LRFN2: variants seen among roughly 807,000 people sequenced by gnomAD.
The protein encoded by LRFN2 is leucine rich repeat and fibronectin type III domain containing 2.
LRFN2 carries 18 observed loss-of-function variants against 37.3 expected under a neutral mutation model. The ratio of observed to expected loss-of-function variants is 0.48; its 90% CI spans 0.33 to 0.72. LRFN2 has a LOEUF of 0.72. Ranked by LOEUF, LRFN2 falls within the 30% of genes least tolerant of loss-of-function variation. The pLI is 0.02. For missense variants in LRFN2, 1,006 were observed against 1,060.7 expected (o/e 0.95, Z 0.72); for synonymous variants, 556 against 466.6 (o/e 1.19, Z -2.47).
chr6:40,477,490 C>G (rs1488392374), intron 1 of LRFN2, among the ~76,000 whole-genome samples: 1 of 152,146 alleles, frequency 6.6e-6, no homozygotes, highest in African/African-American at 2.4e-5. Flanking sequence ...CAGTGGATGG[C>G]CACAGTGAGT....
At chr6:40,393,025 G>C in intron 2 of LRFN2, 113 bp from the exon 3 acceptor site, 1 of 755,728 alleles carries the variant, frequency 1.3e-6, no homozygotes, top group Non-Finnish European at 2.1e-6. Context: ...GGGAGGGGAG[G>C]GAGGCCAAGA....
intron 1 of LRFN2, among the ~76,000 whole-genome samples, chr6:40,506,628 C>T (rs1183082419): frequency 5.9e-5 from 9 of 151,992 alleles, no homozygotes; most frequent in African/African-American, 1.9e-4. Context: ...TCCTATATGC[C>T]CTGCAAATCA....
At chr6:40,524,312 C>T (rs888158122) in intron 1 of LRFN2, among the ~76,000 whole-genome samples, 3 of 152,138 alleles carry the variant, frequency 2.0e-5, no homozygotes, top group African/African-American at 7.2e-5. Context: ...GACAGATCAC[C>T]TGGATGCCTG....
At chr6:40,522,455 G>A (rs1338998078) in intron 1 of LRFN2, among the ~76,000 whole-genome samples, 1 of 152,166 alleles carries the variant, frequency 6.6e-6, no homozygotes, top group Admixed American at 6.5e-5. Context: ...GGTGGTATGA[G>A]GGTGTGGATT....
chr6:40,401,079 C>A (rs1762729263), intron 2 of LRFN2, among the ~76,000 whole-genome samples: 1 of 146,982 alleles, frequency 6.8e-6, no homozygotes, highest in African/African-American at 2.4e-5. Context: ...GCTGAGGCTC[C>A]TCTTTTCTAA....
chr6:40,396,912 CATT>C (rs1762629097), intron 2 of LRFN2, among the ~76,000 whole-genome samples: 1 of 152,132 alleles, frequency 6.6e-6, no homozygotes, highest in Non-Finnish European at 1.5e-5. Flanking sequence ...AGTTTACACG[CATT>C]ATCTCATTTA....
At chr6:40,510,085 G>T (rs1173089235) in intron 1 of LRFN2, among the ~76,000 whole-genome samples, 1 of 150,490 alleles carries the variant, frequency 6.6e-6, no homozygotes, top group African/African-American at 2.5e-5. Context: ...GGTATGCCAC[G>T]GAACACTGGG....
intron 1 of LRFN2, among the ~76,000 whole-genome samples, chr6:40,515,833 C>A (rs1765851708): frequency 7.1e-6 from 1 of 141,582 alleles, no homozygotes; most frequent in African/African-American, 2.7e-5. Context: ...GAGGAGGTTG[C>A]AGTGAGCCGA....
intron 2 of LRFN2, among the ~76,000 whole-genome samples, chr6:40,396,686 C>CTGTGTGTGTGTGTGTGTG (rs3997706): frequency 6.7e-5 from 9 of 135,218 alleles, no homozygotes; most frequent in African/African-American, 2.6e-4. Flanking sequence ...TTCCTCTGCT[C>CTGTGTGTGTGTGTGTGTG]TGTGTGTGTG....
At chr6:40,498,517 C>CA (rs34975477) in intron 1 of LRFN2, among the ~76,000 whole-genome samples, 1 of 152,084 alleles carries the variant, frequency 6.6e-6, no homozygotes, top group African/African-American at 2.4e-5. Flanking sequence ...CATATCTTTA[C>CA]AAAAAAAGCA....
At chr6:40,537,414 C>T (rs183195629) in intron 1 of LRFN2, among the ~76,000 whole-genome samples, 4 of 152,320 alleles carry the variant, frequency 2.6e-5, no homozygotes, top group African/African-American at 9.6e-5. Flanking sequence ...CCACCAGTCA[C>T]AACCAACCAT....
intron 2 of LRFN2, among the ~76,000 whole-genome samples, chr6:40,429,998 T>A (rs1000300731): frequency 6.6e-6 from 1 of 152,190 alleles, no homozygotes; most frequent in African/African-American, 2.4e-5. Flanking sequence ...TTACAGGTAA[T>A]TTTTATTTCC....
chr6:40,503,805 A>C (rs768660091), intron 1 of LRFN2, among the ~76,000 whole-genome samples: 1 of 152,138 alleles, frequency 6.6e-6, no homozygotes, highest in Non-Finnish European at 1.5e-5. Flanking sequence ...TGGTAGAGTC[A>C]AATGCTGCTG....
intron 1 of LRFN2, among the ~76,000 whole-genome samples, chr6:40,566,510 T>G (rs1382395372): frequency 6.6e-6 from 1 of 151,898 alleles, no homozygotes; most frequent in East Asian, 1.9e-4. Context: ...ATAGACTGGA[T>G]TAAGAAAATG....
At chr6:40,393,434 G>T (rs1250918358) in intron 2 of LRFN2, among the ~76,000 whole-genome samples, 1 of 151,834 alleles carries the variant, frequency 6.6e-6, no homozygotes, top group African/African-American at 2.4e-5. Context: ...GAATGAGAAA[G>T]GAGGTAGTTG....
chr6:40,404,293 G>T (rs890638709), intron 2 of LRFN2, among the ~76,000 whole-genome samples: 9 of 151,530 alleles, frequency 5.9e-5, no homozygotes. Flanking sequence ...TTTGTTTTTT[G>T]TTTTTTGTTT....
chr6:40,404,318 T>G (rs1385534081), intron 2 of LRFN2, among the ~76,000 whole-genome samples: 2 of 152,226 alleles, frequency 1.3e-5, no homozygotes, highest in Non-Finnish European at 2.9e-5. Context: ...TTGCCTGTTT[T>G]GTTCACTGAT....
chr6:40,506,848 C>T (rs1242287184), intron 1 of LRFN2, among the ~76,000 whole-genome samples: 5 of 152,074 alleles, frequency 3.3e-5, no homozygotes, highest in Admixed American at 2.6e-4. Context: ...CAAATCTGGG[C>T]ATCTCATTTC....
At chr6:40,447,185 C>A (rs1359911592) in intron 1 of LRFN2, among the ~76,000 whole-genome samples, 3 of 152,238 alleles carry the variant, frequency 2.0e-5, no homozygotes, top group Non-Finnish European at 4.4e-5. Flanking sequence ...CCCTCATTAT[C>A]CTATTAGTTT....
Sources: allele counts gnomAD v4.1 joint callset (sites outside exome capture counted in the v4.1 genomes callset), GRCh38; gene constraint gnomAD v4.1.1; transcripts MANE v1.5; gene names NCBI Gene and HGNC (gene_info 2026-07-23, HGNC 2026-07-21).